Variants in PTAR1 observed in about 807,000 individuals in gnomAD.
The protein encoded by PTAR1 is protein prenyltransferase alpha subunit repeat-containing protein 1.
Under a neutral mutation model 45.5 loss-of-function variants are expected in PTAR1, and 17 were observed. The ratio of observed to expected loss-of-function variants is 0.37; its 90% CI spans 0.26 to 0.56. The LOEUF (loss-of-function observed/expected upper bound fraction) is 0.56. Among genes scored for constraint, PTAR1 ranks in the 20% least tolerant of loss-of-function variants. PTAR1 has a pLI of 0.77. For missense variants in PTAR1, 391 were observed against 476.3 expected, an observed-to-expected ratio of 0.82 and a Z score of 1.67; for synonymous variants, 169 against 171.3, an observed-to-expected ratio of 0.99 and a Z score of 0.11.
Position 69,737,120 on chromosome 9 carries a change from C to T in PTAR1, c.324-2866G>A, listed in dbSNP as rs142816202. ...TTTTAGATGGGGTCTCACTGTCTTGCCCAGGCTGGAGTACAGTGGCACAAT... is the reference window on the plus strand; with the variant it reads ...TTTTAGATGGGGTCTCACTGTCTTGTCCAGGCTGGAGTACAGTGGCACAAT... On this transcript the variant is annotated intron_variant, in intron 3 of 7. Coordinates refer to ENST00000340434, the MANE Select transcript of PTAR1 (RefSeq NM_001099666.2). 5.1e-3 allele frequency among the ~76,000 whole-genome samples: 780 copies of T among 152,130 alleles called. 8 individuals are homozygous for T. Among genetic ancestry groups the T allele is most frequent in the African/African-American group, 0.018 (742 of 41,502 alleles).
intron 1 of PTAR1, among the ~76,000 whole-genome samples, chr9:69,751,396 T>G (rs1275143682): frequency 1.3e-5 from 2 of 151,234 alleles, no homozygotes; most frequent in African/African-American, 4.9e-5. Flanking sequence ...ATGAGGTAGA[T>G]CTGCATATGC....
intron 7 of PTAR1, 38 bp downstream of exon 7, chr9:69,718,612 T>C (rs199766310): frequency 1.2e-6 from 2 of 1,613,314 alleles, no homozygotes; most frequent in African/African-American, 2.7e-5. Flanking sequence ...CAGGGCTGTC[T>C]GCAGGTGACA....
At chr9:69,726,102 G>A (rs1239355212) in intron 5 of PTAR1, among the ~76,000 whole-genome samples, 1 of 152,010 alleles carries the variant, frequency 6.6e-6, no homozygotes, top group Non-Finnish European at 1.5e-5. Flanking sequence ...TTATAAAAGT[G>A]ATACAAAATG....
At chr9:69,759,816 C>G (rs1026277943) in intron 1 of PTAR1, 37 bp downstream of exon 1, 3 of 1,505,732 alleles carry the variant, frequency 2.0e-6, no homozygotes, top group Non-Finnish European at 2.7e-6. Flanking sequence ...CGCCCGCTCC[C>G]GACGACCCTC....
At position 69,724,467 on chromosome 9, in the gene PTAR1, T is replaced by C. The variant is rs372118086; in HGVS notation, c.643-837A>G. Among the ~76,000 whole-genome samples the C allele has an allele frequency of 1.1e-3, 175 of 152,310 alleles. 2 individuals carry two copies. The South Asian group carries it at 0.036, about 31-fold the overall frequency. Reference sequence around the variant, plus strand: ...TGCCTACCACGTTCCGTCAGAGGATTTTCAGACCAGCTAAGGAAAAAAGAC... The same window carrying C: ...TGCCTACCACGTTCCGTCAGAGGATCTTCAGACCAGCTAAGGAAAAAAGAC... On this transcript the variant is annotated intron_variant, in intron 5 of 7. Coordinates refer to ENST00000340434, the MANE Select transcript of PTAR1 (RefSeq NM_001099666.2).
At position 69,712,893 on chromosome 9, in the gene PTAR1, G is replaced by A. The variant is rs1194449131; in HGVS notation, c.*5449C>T. 3.9e-5 allele frequency: 6 copies of A among 151,970 alleles called. No homozygotes were observed. Among genetic ancestry groups the A allele is most frequent in the Admixed American group, 3.3e-4 (5 of 15,218 alleles). The allele number at this position is 151,970 out of a possible 1,614,324, so 9.4% of individuals were successfully genotyped here. A position where few individuals can be genotyped will look rare whatever the true frequency, so the allele number is the denominator to read the frequency against. ...ACCAAAGCAGCAAGATAAACAATGA[G>A]GCAGTCACAGAATATCTACTAGCTA... On this transcript the variant is annotated 3_prime_UTR_variant, in exon 8 of 8. Coordinates refer to ENST00000340434, the MANE Select transcript of PTAR1 (RefSeq NM_001099666.2).
At chr9:69,737,832 T>C (rs1455286820) in intron 3 of PTAR1, among the ~76,000 whole-genome samples, 1 of 152,206 alleles carries the variant, frequency 6.6e-6, no homozygotes, top group East Asian at 1.9e-4. Context: ...AAATAAACTT[T>C]TTATTTTACA....
chr9:69,743,578 A>C (rs1304029023), intron 2 of PTAR1, among the ~76,000 whole-genome samples: 2 of 152,230 alleles, frequency 1.3e-5, no homozygotes, highest in African/African-American at 4.8e-5. Context: ...TTGACCTCCA[A>C]GTCATTACAT....
chr9:69,721,654 T>C (rs1402445567), intron 6 of PTAR1, among the ~76,000 whole-genome samples: 4 of 152,084 alleles, frequency 2.6e-5, no homozygotes, highest in South Asian at 4.2e-4. Context: ...TTTTAGGAAA[T>C]TGCCACAGCC....
chr9:69,723,733 G>T, intron 5 of PTAR1, 103 bp from the exon 6 acceptor site: 3 of 893,900 alleles, frequency 3.4e-6, no homozygotes, highest in Non-Finnish European at 5.1e-6. Context: ...TTTTTGACAA[G>T]ACCATTCTTA....
Position 69,718,437 on chromosome 9 carries a change from T to G in PTAR1, c.1114A>C (p.Arg372=). Residue 372 remains arginine (R), a synonymous_variant, in exon 8 of 8, where the codon AGG becomes CGG. Coordinates refer to ENST00000340434, the MANE Select transcript of PTAR1 (RefSeq NM_001099666.2). Reference sequence around the variant, plus strand: ...GTGGACAATACTTGATCAATGAACCTGTGCTCCATTTCTAGGCCTAGGGAG... The same window carrying G: ...GTGGACAATACTTGATCAATGAACCGGTGCTCCATTTCTAGGCCTAGGGAG... ...PDSLGLEMEH[R]FIDQVLSTCR... The G allele has an allele frequency of 6.2e-7, 1 of 1,613,726 alleles. No individual in the cohort carries two copies. The highest frequency in any genetic ancestry group is 8.5e-7 in the Non-Finnish European group (1 of 1,179,716).
chr9:69,736,415 G>A (rs1825791701), intron 3 of PTAR1, among the ~76,000 whole-genome samples: 1 of 152,098 alleles, frequency 6.6e-6, no homozygotes, highest in Non-Finnish European at 1.5e-5. Context: ...AAATTAGCTG[G>A]GCATGGTGGC....
chr9:69,723,138 A>ATGATG lies in PTAR1; in HGVS notation c.947+187_947+188insCATCA, dbSNP rs1564127865. Among the ~76,000 whole-genome samples the ATGATG allele has an allele frequency of 1.9e-3, 7 of 3,726 alleles. No homozygotes were observed. In the Non-Finnish European group the frequency reaches 0.027, roughly 14 times the overall value. The allele number at this position is 3,726 out of a possible 152,430, so 2.4% of individuals were successfully genotyped here. ...AGATCTACATGAGGAATCTCTTATT[A>ATGATG]ATGATGATGATGATGATGATGACGA... is the stretch of plus-strand genomic sequence containing the variant. On this transcript the variant is annotated intron_variant, in intron 6 of 7. Transcript: ENST00000340434.
In PTAR1 at chr9:69,718,417, C is replaced by T; in HGVS notation, c.1134G>A (p.Leu378=). The T allele has an allele frequency of 6.2e-7, 1 of 1,613,620 alleles. No homozygotes were observed. Among genetic ancestry groups the T allele is most frequent in the East Asian group, 2.2e-5 (1 of 44,860 alleles). The change falls in exon 8 of 8, where the codon TTG becomes TTA. Residue 378 remains leucine (L), a synonymous_variant. Transcript: ENST00000340434. ...CTTGCTCCACGTTCCGACAGGTGGA[C>T]AATACTTGATCAATGAACCTGTGCT... ...EMEHRFIDQV[L]STCRNVEQAR...
At chr9:69,721,766 T>C (rs1193012545) in intron 6 of PTAR1, among the ~76,000 whole-genome samples, 2 of 152,242 alleles carry the variant, frequency 1.3e-5, no homozygotes, top group East Asian at 1.9e-4. Context: ...AAGGGTCGGA[T>C]GATCGTTAGC....
intron 3 of PTAR1, among the ~76,000 whole-genome samples, chr9:69,740,167 T>A (rs1825977787): frequency 6.6e-6 from 1 of 152,104 alleles, no homozygotes; most frequent in South Asian, 2.1e-4. Context: ...GGATATACAA[T>A]GAATAACATG....
intron 1 of PTAR1, 67 bp downstream of exon 1, chr9:69,759,786 T>TGGACGCGTG: frequency 6.9e-7 from 1 of 1,445,230 alleles, no homozygotes; most frequent in Non-Finnish European, 9.2e-7. Flanking sequence ...CGAGGTCGGG[T>TGGACGCGTG]GGACGCTTGG....
At chr9:69,735,109 T>C (rs1272172476) in intron 3 of PTAR1, among the ~76,000 whole-genome samples, 1 of 152,214 alleles carries the variant, frequency 6.6e-6, no homozygotes, top group African/African-American at 2.4e-5. Context: ...ACCCTTGATA[T>C]ACGAGGCCAT....
At chr9:69,753,804 T>C (rs1369071771) in intron 1 of PTAR1, among the ~76,000 whole-genome samples, 1 of 152,180 alleles carries the variant, frequency 6.6e-6, no homozygotes, top group Non-Finnish European at 1.5e-5. Context: ...TTAGTTTCCA[T>C]TCTATCCACT....
Sources: gnomAD v4.1 joint callset for allele counts (sites outside exome capture counted in the v4.1 genomes callset) on GRCh38, gnomAD v4.1.1 for gene constraint, MANE v1.5 for transcripts, NCBI Gene and HGNC (gene_info 2026-07-23, HGNC 2026-07-21) for gene names.